Variants in LATS1 observed in about 807,000 individuals in gnomAD.
LATS1 encodes the protein serine/threonine-protein kinase LATS1.
In LATS1, 25 loss-of-function variants were observed where a neutral mutation model predicts 106.6. The observed-to-expected ratio is 0.23, with a 90% confidence interval of 0.17 to 0.33. The LOEUF is 0.33. Ranked by LOEUF, LATS1 falls within the 10% of genes least tolerant of loss-of-function variation. The probability of loss-of-function intolerance (pLI) is 1.00; values close to 1 mark genes in which losing one functional copy is unlikely to be tolerated. For missense variants in LATS1, 1,040 were observed against 1,382.6 expected (o/e 0.75, Z 3.93); for synonymous variants, 465 against 455.6 (o/e 1.02, Z -0.26).
rs1259455280 is a variant in LATS1 at position 149,690,214 on chromosome 6, T to C, written c.496+4860A>G. Among the ~76,000 whole-genome samples the C allele has an allele frequency of 1.2e-4, 6 of 48,604 alleles. No homozygotes were observed. The Admixed American group carries it at 1.7e-3, about 14-fold the overall frequency. 31.9% of individuals were successfully genotyped at this position (48,604 alleles called of 152,430 possible). ...ATATATGTATTCTTTTCTTTTTTTC[T>C]TTTTTTTTTTTTTTTTGAGACGGAG... On this transcript the variant is annotated intron_variant, in intron 3 of 7. Transcript: ENST00000543571.
At chr6:149,664,670 TA>T (rs1781049091) in intron 7 of LATS1, among the ~76,000 whole-genome samples, 1 of 152,288 alleles carries the variant, frequency 6.6e-6, no homozygotes, top group East Asian at 1.9e-4. Flanking sequence ...ACAGGTAGAT[TA>T]GGGGAGAAGA....
At chr6:149,709,660 C>T (rs897637454) in intron 1 of LATS1, among the ~76,000 whole-genome samples, 3 of 149,726 alleles carry the variant, frequency 2.0e-5, no homozygotes, top group African/African-American at 7.3e-5. Flanking sequence ...GTCTCCACAA[C>T]CCCTTATCTT....
At chr6:149,703,044 G>A (rs755921944) in intron 1 of LATS1, among the ~76,000 whole-genome samples, 4 of 147,630 alleles carry the variant, frequency 2.7e-5, no homozygotes, top group Non-Finnish European at 6.0e-5. Flanking sequence ...TGCAACCTTG[G>A]CTCACTGCAA....
At chr6:149,668,789 AT>A (rs1420940392) in intron 7 of LATS1, among the ~76,000 whole-genome samples, 3 of 151,684 alleles carry the variant, frequency 2.0e-5, no homozygotes, top group African/African-American at 7.3e-5. Flanking sequence ...TGAAAGCAAA[AT>A]TGTTACATTG....
rs147288592 is a variant in LATS1, at chr6:149,681,466, C to T, written c.2011-1009G>A. Among the ~76,000 whole-genome samples the T allele has an allele frequency of 1.3e-3, 201 of 152,274 alleles. 1 individual carries two copies. Among genetic ancestry groups the T allele is most frequent in the African/African-American group, 4.7e-3 (196 of 41,548 alleles). On this transcript the variant is annotated intron_variant, in intron 4 of 7. Transcript: ENST00000543571. Reference sequence around the variant, plus strand: ...TCTCTTAAAATCTTACTTGCCTACACAGTAATGGAGACTACAGAAGTCAGC... The same window carrying T: ...TCTCTTAAAATCTTACTTGCCTACATAGTAATGGAGACTACAGAAGTCAGC...
rs921121748 is a variant in LATS1 at position 149,718,067 on chromosome 6, C to T, written c.-359G>A. The T allele has an allele frequency of 1.6e-5, 5 of 318,888 alleles. No individual in the cohort carries two copies. Among genetic ancestry groups the T allele is most frequent in the Non-Finnish European group, 2.4e-5 (4 of 164,418 alleles). The allele number at this position is 318,888 out of a possible 1,614,324, so 19.8% of individuals were successfully genotyped here. A position where few individuals can be genotyped will look rare whatever the true frequency, so the allele number is the denominator to read the frequency against. On this transcript the variant is annotated 5_prime_UTR_variant, in exon 1 of 8. Coordinates refer to ENST00000543571, the MANE Select transcript of LATS1 (RefSeq NM_004690.4). ...CACCGCCGCCGCCGCCGCCATTTTG[C>T]CTTCCACTCAGTGTCGCCGCCGCCG...
In LATS1 at chr6:149,690,831, G is replaced by A. The variant is rs1023273012; in HGVS notation, c.496+4243C>T. 3.3e-5 allele frequency among the ~76,000 whole-genome samples: 5 copies of A among 152,252 alleles called. 1 individual carries two copies. The South Asian group carries it at 1.0e-3, about 32-fold the overall frequency. On this transcript the variant is annotated intron_variant, in intron 3 of 7. Transcript: ENST00000543571. ...TGTGATCACAAGCGTGAGCTACCAT[G>A]TGTGGCACTTAAATTTTCATTTTCT...
intron 1 of LATS1, among the ~76,000 whole-genome samples, chr6:149,707,634 G>A (rs1783864734): frequency 6.6e-6 from 1 of 152,138 alleles, no homozygotes; most frequent in Non-Finnish European, 1.5e-5. Flanking sequence ...CTGAGTTCTG[G>A]TATATGTGTA....
chr6:149,671,077 G>A (rs1423699080), intron 7 of LATS1, among the ~76,000 whole-genome samples: 1 of 151,790 alleles, frequency 6.6e-6, no homozygotes, highest in Non-Finnish European at 1.5e-5. Context: ...CTCAGTTTGA[G>A]TTAATCTTTG....
chr6:149,687,976 G>T (rs936946970), intron 3 of LATS1, among the ~76,000 whole-genome samples: 1 of 149,408 alleles, frequency 6.7e-6, no homozygotes, highest in African/African-American at 2.5e-5. Flanking sequence ...CCGGGTTCAC[G>T]CCATTCTCCT....
rs76128930 is a variant in LATS1 at position 149,662,687 on chromosome 6, C to T, written c.2884-449G>A. 1.0e-3 allele frequency among the ~76,000 whole-genome samples: 152 copies of T among 152,120 alleles called. 3 individuals carry two copies. In the East Asian group the frequency reaches 0.027, roughly 27 times the overall value. On this transcript the variant is annotated intron_variant, in intron 7 of 7. Coordinates refer to ENST00000543571, the MANE Select transcript of LATS1 (RefSeq NM_004690.4). ...TGATAAAACTTTTTCTGGTGCCAAG[C>T]GTGGTGGCTTTTGCCTGTAATCCCA...
intron 1 of LATS1, among the ~76,000 whole-genome samples, chr6:149,702,732 T>C (rs9505983): frequency 0.54 from 82,368 of 152,014 alleles, 25,806 homozygotes; most frequent in African/African-American, 0.83. Context: ...AGTGCAGTGG[T>C]GCGATCTTGC....
chr6:149,668,997 T>A (rs1161656381), intron 7 of LATS1, among the ~76,000 whole-genome samples: 3 of 151,744 alleles, frequency 2.0e-5, no homozygotes, highest in Admixed American at 6.6e-5. Flanking sequence ...ATTAAAAAAA[T>A]TTTTTTGTAG....
chr6:149,677,621 C>G (rs1781794818), intron 5 of LATS1, among the ~76,000 whole-genome samples: 1 of 152,016 alleles, frequency 6.6e-6, no homozygotes, highest in Non-Finnish European at 1.5e-5. Context: ...CAGGAAGCAG[C>G]TGGATAGAGA....
intron 7 of LATS1, among the ~76,000 whole-genome samples, chr6:149,668,418 A>G (rs764302690): frequency 2.4e-4 from 36 of 150,520 alleles, no homozygotes; most frequent in Non-Finnish European, 3.8e-4. Context: ...CCAGGTAAAC[A>G]TAAATGACTA....
At chr6:149,682,840 A>G (rs1782129260) in intron 4 of LATS1, 3 of 521,594 alleles carry the variant, frequency 5.8e-6, no homozygotes, top group Non-Finnish European at 9.8e-6. Flanking sequence ...ACCGCAAATT[A>G]TATTTTTCTT....
At chr6:149,700,754 G>GA (rs1370058874) in intron 2 of LATS1, among the ~76,000 whole-genome samples, 4 of 152,112 alleles carry the variant, frequency 2.6e-5, no homozygotes, top group Non-Finnish European at 5.9e-5. Flanking sequence ...TTTGCAATCA[G>GA]AAAAAACATT....
chr6:149,680,532 A>T (rs1781978476), intron 4 of LATS1, 75 bp from the exon 5 acceptor site: 2 of 1,031,408 alleles, frequency 1.9e-6, no homozygotes, highest in Non-Finnish European at 2.9e-6. Flanking sequence ...CTTGGGAAAA[A>T]TTCAGGCATA....
intron 1 of LATS1, among the ~76,000 whole-genome samples, chr6:149,712,928 G>A (rs1208106236): frequency 6.6e-6 from 1 of 152,068 alleles, no homozygotes; most frequent in Non-Finnish European, 1.5e-5. Flanking sequence ...CCAGGAGGTC[G>A]AGGCTGCAGT....
Sources: allele counts gnomAD v4.1 joint callset (sites outside exome capture counted in the v4.1 genomes callset), GRCh38; gene constraint gnomAD v4.1.1; transcripts MANE v1.5; gene names NCBI Gene and HGNC (gene_info 2026-07-23, HGNC 2026-07-21).